The following LMNB1 variants were observed in gnomAD, a reference collection of about 807,000 sequenced individuals.
LMNB1 encodes the protein lamin B1.
LMNB1 carries 23 observed loss-of-function variants against 67.1 expected under a neutral mutation model. The observed-to-expected ratio is 0.34, with a 90% CI of 0.25 to 0.49. The LOEUF (loss-of-function observed/expected upper bound fraction) is 0.49, where lower values mean the gene tolerates loss of function less well. Ranked by LOEUF, LMNB1 falls within the 20% of genes least tolerant of loss-of-function variation. LMNB1 has a pLI of 0.99. For synonymous variants in LMNB1, 281 were observed against 282.9 expected, an observed-to-expected ratio of 0.99 and a Z score of 0.07; for missense variants, 634 against 746.5, an observed-to-expected ratio of 0.85 and a Z score of 1.76.
intron 1 of LMNB1, 87 bp from the exon 2 acceptor site, chr5:126,804,686 ACTT>A (rs1751372304): frequency 2.5e-6 from 3 of 1,196,852 alleles, no homozygotes; most frequent in South Asian, 1.6e-5. Flanking sequence ...TATTTAAACT[ACTT>A]CTTTTGTTTG....
chr5:126,803,974 G>T (rs532732344), intron 1 of LMNB1, among the ~76,000 whole-genome samples: 1 of 152,240 alleles, frequency 6.6e-6, no homozygotes, highest in South Asian at 2.1e-4. Context: ...CAAGCTTGGG[G>T]TCAATTAGTT....
At chr5:126,808,444 C>G (rs916880607) in intron 3 of LMNB1, among the ~76,000 whole-genome samples, 1 of 151,978 alleles carries the variant, frequency 6.6e-6, no homozygotes, top group Non-Finnish European at 1.5e-5. Flanking sequence ...TCGCCTCAGC[C>G]TCCCAAAGTG....
chr5:126,829,958 G>A (rs1752091613), intron 9 of LMNB1, among the ~76,000 whole-genome samples: 1 of 152,168 alleles, frequency 6.6e-6, no homozygotes, highest in African/African-American at 2.4e-5. Flanking sequence ...TGTTTTTTAT[G>A]AGGGAAATAA....
intron 1 of LMNB1, 110 bp downstream of exon 1, chr5:126,777,977 G>A: frequency 2.0e-6 from 2 of 996,174 alleles, no homozygotes; most frequent in Non-Finnish European, 2.7e-6. Flanking sequence ...CAGGATGCAC[G>A]CGTCCTTCTG....
chr5:126,809,686 C>CAGAAAAGAAAAGAAAAGAAA lies in LMNB1; in HGVS notation c.643-487_643-468dup, dbSNP rs143766887. Among the ~76,000 whole-genome samples the CAGAAAAGAAAAGAAAAGAAA allele has an allele frequency of 5.9e-5, 9 of 151,748 alleles. No homozygotes were observed. The East Asian group carries it at 1.4e-3, about 23-fold the overall frequency. On this transcript the variant is annotated intron_variant, in intron 3 of 10. Transcript: ENST00000261366. ...TGGGCGACAGAGTGATACTCTATCT[C>CAGAAAAGAAAAGAAAAGAAA]AGAAAAGAAAAGAAAAGAAAAGAAA...
rs760647842 is a variant in LMNB1, at chr5:126,805,523, A to G, written c.517-48A>G. On this transcript the variant is annotated intron_variant, in intron 2 of 10. Transcript: ENST00000261366. ...TCATAGATATCTTATGTTCATTATT[A>G]AATGATTGCCATGTAATTTTTATCA... is the stretch of plus-strand genomic sequence containing the variant. 53 of 1,363,070 alleles carry G rather than the reference A, an allele frequency of 3.9e-5. No homozygotes were observed. In the East Asian group the frequency reaches 9.7e-4, roughly 25 times the overall value. 84.4% of individuals were successfully genotyped at this position (1,363,070 alleles called of 1,614,324 possible). A position where few individuals can be genotyped will look rare whatever the true frequency, so the allele number is the denominator to read the frequency against.
At chr5:126,788,406 G>C (rs1750864589) in intron 1 of LMNB1, among the ~76,000 whole-genome samples, 1 of 152,198 alleles carries the variant, frequency 6.6e-6, no homozygotes, top group South Asian at 2.1e-4. Context: ...GGGAGGCTGA[G>C]TGTGTGGATC....
intron 1 of LMNB1, among the ~76,000 whole-genome samples, chr5:126,786,094 A>ATGCTTTACAGACATTATCTTTTTTTT (rs1397310758): frequency 8.4e-5 from 12 of 143,370 alleles, no homozygotes; most frequent in Non-Finnish European, 1.5e-4. Flanking sequence ...ATTACAGTAG[A>ATGCTTTACAGACATTATCTTTTTTTT]TGCTTTACAG....
intron 1 of LMNB1, among the ~76,000 whole-genome samples, chr5:126,787,712 G>A (rs1253168920): frequency 1.1e-4 from 17 of 150,744 alleles, no homozygotes; most frequent in Admixed American, 1.0e-3. Flanking sequence ...CACCACACTC[G>A]GCTAATTTTT....
intron 6 of LMNB1, 39 bp downstream of exon 6, chr5:126,819,181 T>G: frequency 7.2e-7 from 1 of 1,388,650 alleles, no homozygotes; most frequent in Non-Finnish European, 1.0e-6. Context: ...ATGGTCCACT[T>G]TTTGCCTCTC....
intron 10 of LMNB1, among the ~76,000 whole-genome samples, chr5:126,835,205 G>A (rs1440430781): frequency 6.6e-6 from 1 of 152,172 alleles, no homozygotes; most frequent in African/African-American, 2.4e-5. Context: ...TTTAGCTTTT[G>A]TGATCACAGA....
chr5:126,800,982 A>ATATATATTTTTTTTT, intron 1 of LMNB1, among the ~76,000 whole-genome samples: 22 of 18,626 alleles, frequency 1.2e-3, no homozygotes, highest in South Asian at 2.8e-3. Context: ...TATATATATA[A>ATATATATTTTTTTTT]TTTTTTTTTT....
intron 2 of LMNB1, among the ~76,000 whole-genome samples, chr5:126,805,353 C>G (rs1167942158): frequency 6.6e-6 from 1 of 152,170 alleles, no homozygotes; most frequent in Non-Finnish European, 1.5e-5. Context: ...TTCCCTGTTG[C>G]CAATTAACAA....
At chr5:126,823,255 G>T (rs896970218) in intron 8 of LMNB1, among the ~76,000 whole-genome samples, 4 of 152,174 alleles carry the variant, frequency 2.6e-5, no homozygotes, top group Non-Finnish European at 4.4e-5. Context: ...AATCATTTGG[G>T]TAGTATTTTG....
intron 5 of LMNB1, among the ~76,000 whole-genome samples, chr5:126,817,862 T>A (rs976664619): frequency 8.5e-5 from 13 of 152,190 alleles, no homozygotes; most frequent in African/African-American, 3.1e-4. Flanking sequence ...AAGCTATCCA[T>A]CAGTCTTTTT....
intron 1 of LMNB1, among the ~76,000 whole-genome samples, chr5:126,799,042 C>A (rs1189947601): frequency 7.3e-6 from 1 of 137,430 alleles, no homozygotes; most frequent in East Asian, 2.1e-4. Flanking sequence ...TTTTTTGAGA[C>A]GGAGTCTCGC....
At chr5:126,827,845 T>A (rs1226246619) in intron 9 of LMNB1, among the ~76,000 whole-genome samples, 2 of 152,094 alleles carry the variant, frequency 1.3e-5, no homozygotes. Context: ...GGTCAGCGGG[T>A]CAAATCACAC....
Position 126,814,284 on chromosome 5 carries a change from A to G in LMNB1, c.939+2386A>G, listed in dbSNP as rs541416104. Reference sequence around the variant, plus strand: ...CATTTACTACTCTTTTCCATTTACTAATAGTAAGTTGTCTACTAGTTACTG... The same window carrying G: ...CATTTACTACTCTTTTCCATTTACTGATAGTAAGTTGTCTACTAGTTACTG... On this transcript the variant is annotated intron_variant, in intron 5 of 10. Transcript: ENST00000261366. 2.6e-5 allele frequency among the ~76,000 whole-genome samples: 4 copies of G among 152,264 alleles called. No individual in the cohort carries two copies. The South Asian group carries it at 6.2e-4, about 24-fold the overall frequency.
At chr5:126,820,274 A>G (rs1429011603) in intron 6 of LMNB1, among the ~76,000 whole-genome samples, 3 of 152,264 alleles carry the variant, frequency 2.0e-5, no homozygotes, top group Admixed American at 1.3e-4. Context: ...AAAAAAGTAC[A>G]CCAACTATAA....
Sources: gnomAD v4.1 joint callset for allele counts (sites outside exome capture counted in the v4.1 genomes callset) on GRCh38, gnomAD v4.1.1 for gene constraint, MANE v1.5 for transcripts, NCBI Gene and HGNC (gene_info 2026-07-23, HGNC 2026-07-21) for gene names.